CACNA2D1: variants seen among roughly 807,000 people sequenced by gnomAD.
CACNA2D1 encodes calcium voltage-gated channel auxiliary subunit alpha2delta 1.
Under a neutral mutation model 171.5 loss-of-function variants are expected in CACNA2D1, and 53 were observed. That is an observed-to-expected ratio of 0.31 (90% CI 0.25 to 0.39). The LOEUF (loss-of-function observed/expected upper bound fraction) is 0.39, where lower values mean the gene tolerates loss of function less well. Among genes scored for constraint, CACNA2D1 ranks in the 10% least tolerant of loss-of-function variants. The probability of loss-of-function intolerance (pLI) is 1.00; values close to 1 mark genes in which losing one functional copy is unlikely to be tolerated. For synonymous variants in CACNA2D1, 442 were observed against 443.1 expected, an observed-to-expected ratio of 1.00 and a Z score of 0.03; for missense variants, 903 against 1,299.8, an observed-to-expected ratio of 0.69 and a Z score of 4.69.
chr7:82,392,211 T>C (rs1825193384), intron 1 of CACNA2D1, among the ~76,000 whole-genome samples: 1 of 152,190 alleles, frequency 6.6e-6, no homozygotes. Context: ...CTTTGAATGA[T>C]GCCTTTGTTT....
chr7:82,216,963 TG>T (rs1341207913), intron 3 of CACNA2D1, among the ~76,000 whole-genome samples: 2 of 151,686 alleles, frequency 1.3e-5, no homozygotes, highest in Non-Finnish European at 2.9e-5. Flanking sequence ...GTGTTGAAGA[TG>T]TTTTTAATTA....
chr7:82,005,569 C>T, intron 17 of CACNA2D1, 72 bp from the exon 18 acceptor site: 1 of 994,314 alleles, frequency 1.0e-6, no homozygotes, highest in Non-Finnish European at 1.5e-6. Context: ...CTTTTAAATA[C>T]ATAATGTATT....
intron 3 of CACNA2D1, among the ~76,000 whole-genome samples, chr7:82,291,527 T>G (rs1020012325): frequency 2.2e-5 from 3 of 138,468 alleles, no homozygotes; most frequent in Non-Finnish European, 4.6e-5. Context: ...TATAGATAGA[T>G]CTATATATGT....
At chr7:82,050,252 G>A in intron 10 of CACNA2D1, 2 of 252,038 alleles carry the variant, frequency 7.9e-6, no homozygotes, top group Non-Finnish European at 1.5e-5. Flanking sequence ...GAACTGAAAT[G>A]TCTGAGATTT....
intron 6 of CACNA2D1, among the ~76,000 whole-genome samples, chr7:82,088,478 C>T (rs1024991536): frequency 6.6e-6 from 1 of 152,056 alleles, no homozygotes; most frequent in African/African-American, 2.4e-5. Context: ...CAAAATTCAA[C>T]AAAAAGTTTC....
In CACNA2D1 at chr7:82,303,114, C is replaced by T. The variant is rs555318420; in HGVS notation, c.294+32021G>A. On this transcript the variant is annotated intron_variant, in intron 3 of 38. Transcript: ENST00000356860. Reference sequence around the variant, plus strand: ...GTTCATGCCATTCTCCCGCCTCAGCCTCCTGAGTAGCTGGGACTACAGGCG... The same window carrying T: ...GTTCATGCCATTCTCCCGCCTCAGCTTCCTGAGTAGCTGGGACTACAGGCG... Among the ~76,000 whole-genome samples the T allele has an allele frequency of 3.9e-5, 6 of 152,226 alleles. No individual in the cohort carries two copies. In the South Asian group the frequency reaches 1.2e-3, roughly 32 times the overall value.
intron 10 of CACNA2D1, among the ~76,000 whole-genome samples, chr7:82,054,826 C>T (rs989237361): frequency 2.0e-5 from 3 of 152,270 alleles, no homozygotes; most frequent in Non-Finnish European, 4.4e-5. Context: ...TTTTCATCTG[C>T]AGTGATCAGA....
At chr7:82,321,492 G>T (rs1247209221) in intron 3 of CACNA2D1, among the ~76,000 whole-genome samples, 1 of 152,172 alleles carries the variant, frequency 6.6e-6, no homozygotes. Flanking sequence ...ACAGATTACA[G>T]ACTGTAAGAA....
intron 3 of CACNA2D1, among the ~76,000 whole-genome samples, chr7:82,277,083 C>T (rs1368457963): frequency 6.6e-6 from 1 of 151,994 alleles, no homozygotes; most frequent in African/African-American, 2.4e-5. Context: ...TATGTTTGGC[C>T]ATTTAGAGAT....
chr7:82,420,518 CACATTACCAAGGTCAGAA>C (rs1339889924), intron 1 of CACNA2D1, among the ~76,000 whole-genome samples: 1 of 151,976 alleles, frequency 6.6e-6, no homozygotes, highest in African/African-American at 2.4e-5. Context: ...TTTAACCTAC[CACATTACCAAGGTCAGAA>C]ACAGAACCAC....
chr7:82,298,923 C>A (rs553332977), intron 3 of CACNA2D1, among the ~76,000 whole-genome samples: 1 of 151,856 alleles, frequency 6.6e-6, no homozygotes, highest in South Asian at 2.1e-4. Context: ...ATTGGCCGGG[C>A]GTGGTGGCGG....
At chr7:82,149,657 G>A (rs891189998) in intron 4 of CACNA2D1, among the ~76,000 whole-genome samples, 1 of 151,916 alleles carries the variant, frequency 6.6e-6, no homozygotes, top group Non-Finnish European at 1.5e-5. Flanking sequence ...GTGCTTGGCC[G>A]GGTGCTCACA....
At chr7:81,955,557 C>T (rs1410029563) in intron 38 of CACNA2D1, among the ~76,000 whole-genome samples, 2 of 151,816 alleles carry the variant, frequency 1.3e-5, no homozygotes, top group Non-Finnish European at 2.9e-5. Context: ...TATACATCAT[C>T]GATATTATGT....
chr7:82,064,016 T>C (rs1807288197), intron 9 of CACNA2D1, among the ~76,000 whole-genome samples: 1 of 151,942 alleles, frequency 6.6e-6, no homozygotes, highest in Non-Finnish European at 1.5e-5. Flanking sequence ...GAAGCTACCA[T>C]GCCCGAACAA....
chr7:82,395,265 G>C (rs1380102439), intron 1 of CACNA2D1, among the ~76,000 whole-genome samples: 1 of 152,026 alleles, frequency 6.6e-6, no homozygotes, highest in Non-Finnish European at 1.5e-5. Flanking sequence ...AACTGAGCTA[G>C]AGAGAAGTAA....
At chr7:82,165,052 G>C (rs1172519705) in intron 4 of CACNA2D1, among the ~76,000 whole-genome samples, 2 of 151,880 alleles carry the variant, frequency 1.3e-5, no homozygotes, top group Non-Finnish European at 2.9e-5. Flanking sequence ...GAAATTTTTA[G>C]GACATTGGCA....
chr7:82,249,572 C>T (rs1805378718), intron 3 of CACNA2D1, among the ~76,000 whole-genome samples: 1 of 152,186 alleles, frequency 6.6e-6, no homozygotes, highest in South Asian at 2.1e-4. Context: ...TCATGTTCAG[C>T]ATTGCTAACC....
At chr7:82,161,706 C>T (rs546965641) in intron 4 of CACNA2D1, among the ~76,000 whole-genome samples, 15 of 152,050 alleles carry the variant, frequency 9.9e-5, no homozygotes, top group African/African-American at 2.6e-4. Flanking sequence ...AGTTCACTTG[C>T]GAATGTTAGT....
intron 1 of CACNA2D1, among the ~76,000 whole-genome samples, chr7:82,359,796 G>A (rs1307046955): frequency 6.6e-6 from 1 of 152,096 alleles, no homozygotes; most frequent in Non-Finnish European, 1.5e-5. Flanking sequence ...ATGGGCCATA[G>A]CTTATCATGT....
Sources: gnomAD v4.1 joint callset for allele counts (sites outside exome capture counted in the v4.1 genomes callset) on GRCh38, gnomAD v4.1.1 for gene constraint, MANE v1.5 for transcripts, NCBI Gene and HGNC (gene_info 2026-07-23, HGNC 2026-07-21) for gene names.